CCT5: variants seen among roughly 807,000 people sequenced by gnomAD.
CCT5 encodes chaperonin containing TCP1 subunit 5.
A neutral mutation model predicts 55.0 loss-of-function variants in CCT5; 6 were observed. That is an observed-to-expected ratio of 0.11 (90% CI 0.06 to 0.22). The LOEUF is 0.22. CCT5 is among the 10% of genes least tolerant of loss of function. CCT5 has a pLI of 1.00. For synonymous variants in CCT5, 231 were observed against 243.7 expected (o/e 0.95, Z 0.49); for missense variants, 560 against 694.6 (o/e 0.81, Z 2.18).
At chr5:10,262,451 C>T (rs1746011675) in intron 8 of CCT5, 30 bp from the exon 9 acceptor site, 2 of 1,612,650 alleles carry the variant, frequency 1.2e-6, no homozygotes, top group Non-Finnish European at 1.7e-6. Flanking sequence ...ATCTTGATCA[C>T]ATTAATTCAG....
At chr5:10,254,863 CTCATTTAAGAGACG>C (rs767501402) in intron 3 of CCT5, 25 bp downstream of exon 3, 1 of 1,601,576 alleles carries the variant, frequency 6.2e-7, no homozygotes, top group South Asian at 1.1e-5. Flanking sequence ...AACATCCTTT[CTCATTTAAGAGACG>C]TCATTTAAGA....
At chr5:10,254,409 T>TA (rs1206087906) in intron 2 of CCT5, 23 of 568,992 alleles carry the variant, frequency 4.0e-5, no homozygotes, top group African/African-American at 3.0e-4. Context: ...TTTTTTTTTT[T>TA]AGCATGTAAC....
rs11557652 is a variant in CCT5 at position 10,256,060 on chromosome 5, A to G, written c.437A>G (p.Glu146Gly). ...GAGCAGGCTGCTCGTGTTGCTATTG[A>G]ACACCTGGACAAGATCAGCGATAGC... Reference protein sequence around the residue: ...GYEQAARVAIEHLDKISDSVL... With the variant: ...GYEQAARVAIGHLDKISDSVL... Residue 146 changes from glutamate (E) to glycine (G), a missense_variant, in exon 4 of 11, where the codon GAA (glutamate) becomes GGA (glycine). Physicochemically the swap from Glu to Gly is moderately conservative, Grantham distance 98. Coordinates refer to ENST00000280326, the MANE Select transcript of CCT5 (RefSeq NM_012073.5). 1.2e-6 allele frequency: 2 copies of G among 1,614,028 alleles called. No homozygotes were observed. The highest frequency in any genetic ancestry group is 1.7e-6 in the Non-Finnish European group (2 of 1,180,002).
At position 10,250,295 on chromosome 5, in the gene CCT5, T is replaced by C. The variant is rs760566804; in HGVS notation, c.-46T>C. 6.2e-7 allele frequency: 1 copy of C among 1,613,338 alleles called. No homozygotes were observed. The highest frequency in any genetic ancestry group is 1.1e-5 in the South Asian group (1 of 91,010). The stretch of plus-strand genomic sequence containing the variant: ...AAAGGGAAGTGCATTCTCGCTTCCG[T>C]AGCGGTCTCCGCCGGTTGGGGGGAA... On this transcript the variant is annotated 5_prime_UTR_variant, in exon 1 of 11. Transcript: ENST00000280326.
intron 10 of CCT5, among the ~76,000 whole-genome samples, chr5:10,264,437 C>G (rs1388983891): frequency 2.0e-5 from 3 of 152,200 alleles, no homozygotes; most frequent in Non-Finnish European, 4.4e-5. Flanking sequence ...GCCCTCCCAA[C>G]AGCTCTCTTT....
upstream of CCT5, chr5:10,249,939 A>T: frequency 7.9e-7 from 1 of 1,262,518 alleles, no homozygotes. Flanking sequence ...AAAAAACCGG[A>T]AATGGGTCCT....
chr5:10,250,673 G>A, intron 1 of CCT5: 1 of 1,403,046 alleles, frequency 7.1e-7, no homozygotes, highest in African/African-American at 1.4e-5. Flanking sequence ...GGCCGCCAGC[G>A]CCCTTCGGAG....
intron 3 of CCT5, 117 bp downstream of exon 3, chr5:10,254,955 A>C: frequency 1.1e-6 from 1 of 870,800 alleles, no homozygotes; most frequent in South Asian, 1.4e-5. Flanking sequence ...AGACAAATCC[A>C]AGTTGAAAAC....
chr5:10,263,112 C>G (rs772779985), intron 9 of CCT5, 22 bp from the exon 10 acceptor site: 83 of 1,612,534 alleles, frequency 5.1e-5, no homozygotes, highest in Non-Finnish European at 6.8e-5. Context: ...AGTGCACTCA[C>G]CATACTTCTG....
chr5:10,255,338 TGG>T (rs1326454780), intron 3 of CCT5, among the ~76,000 whole-genome samples: 2 of 13,558 alleles, frequency 1.5e-4, no homozygotes, highest in Non-Finnish European at 6.6e-4. Flanking sequence ...ATAAGTAAAC[TGG>T]TATTCGTTTT....
intron 6 of CCT5, among the ~76,000 whole-genome samples, chr5:10,259,996 G>T (rs192259197): frequency 1.3e-5 from 2 of 152,238 alleles, no homozygotes; most frequent in East Asian, 1.9e-4. Context: ...AGGGAAAGCA[G>T]CTGCCATCTG....
intron 6 of CCT5, among the ~76,000 whole-genome samples, chr5:10,258,780 G>A (rs1360885446): frequency 1.3e-5 from 2 of 152,192 alleles, no homozygotes; most frequent in East Asian, 1.9e-4. Flanking sequence ...CAGGCAGATC[G>A]TGAGATCATC....
At chr5:10,263,037 T>A in intron 9 of CCT5, 97 bp from the exon 10 acceptor site, 1 of 995,470 alleles carries the variant, frequency 1.0e-6, no homozygotes, top group Non-Finnish European at 1.6e-6. Flanking sequence ...CTTTGTGAGC[T>A]GACTTTTCAA....
rs1338982759 is a variant in CCT5, at chr5:10,266,154, C to CT, written c.*1372dup. 2 of 152,196 alleles carry CT rather than the reference C, an allele frequency of 1.3e-5. No homozygotes were observed. Among genetic ancestry groups the CT allele is most frequent in the Non-Finnish European group, 2.9e-5 (2 of 68,040 alleles). 9.4% of individuals were successfully genotyped at this position (152,196 alleles called of 1,614,324 possible). A position where few individuals can be genotyped will look rare whatever the true frequency, so the allele number is the denominator to read the frequency against. ...TTTAAACTGAGTTTATTTACAAGGA[C>CT]TGAGTCTAGCCTACAGAGAACATAC... On this transcript the variant is annotated 3_prime_UTR_variant, in exon 11 of 11. Coordinates refer to ENST00000280326, the MANE Select transcript of CCT5 (RefSeq NM_012073.5).
chr5:10,260,158 A>G (rs1379021366), intron 6 of CCT5, among the ~76,000 whole-genome samples: 1 of 152,168 alleles, frequency 6.6e-6, no homozygotes, highest in African/African-American at 2.4e-5. Flanking sequence ...TGATGGAGAC[A>G]GGTAAGCCAG....
intron 6 of CCT5, 39 bp downstream of exon 6, chr5:10,258,574 C>T (rs1561048665): frequency 2.6e-6 from 4 of 1,553,134 alleles, no homozygotes; most frequent in South Asian, 1.1e-5. Flanking sequence ...TTTAAACTCC[C>T]AAAGGGTACA....
At chr5:10,256,231 A>G in intron 4 of CCT5, 78 bp downstream of exon 4, 1 of 1,199,098 alleles carries the variant, frequency 8.3e-7, no homozygotes, top group Non-Finnish European at 1.2e-6. Flanking sequence ...GCAACACAAA[A>G]TGACCACTGG....
In CCT5 at chr5:10,261,871, A is replaced by AG. The variant is rs146087813; in HGVS notation, c.1179+126_1179+127insG. On this transcript the variant is annotated intron_variant, in intron 8 of 10. Coordinates refer to ENST00000280326, the MANE Select transcript of CCT5 (RefSeq NM_012073.5). ...AAATAATCGTGGTTCTCAAACAATG[A>AG]CGTATCATGGTGTAAAATTACTGAA... The AG allele has an allele frequency of 2.9e-3, 2,386 of 812,516 alleles. 40 individuals carry two copies. The African/African-American group carries it at 0.036, about 12-fold the overall frequency. 50.3% of individuals were successfully genotyped at this position (812,516 alleles called of 1,614,324 possible).
rs1254800898 is a variant in CCT5, at chr5:10,251,460, AG to A, written c.105+1018del. ...GAAGGGACACTCCGAGAGGGCCTTC[AG>A]GGTTTGTTATAAAGTGAATTCATAA... On this transcript the variant is annotated intron_variant, in intron 1 of 10. Transcript: ENST00000280326. Among the ~76,000 whole-genome samples, 7 of 152,180 alleles carry A rather than the reference AG, an allele frequency of 4.6e-5. No individual in the cohort carries two copies. The South Asian group carries it at 6.2e-4, about 14-fold the overall frequency.
Sources: gnomAD v4.1 joint callset for allele counts (sites outside exome capture counted in the v4.1 genomes callset) on GRCh38, gnomAD v4.1.1 for gene constraint, MANE v1.5 for transcripts, NCBI Gene and HGNC (gene_info 2026-07-23, HGNC 2026-07-21) for gene names.